The following TSPAN18 variants were observed in gnomAD, a reference collection of about 807,000 sequenced individuals.
The protein encoded by TSPAN18 is tetraspanin-18.
TSPAN18 carries 14 observed loss-of-function variants against 27.3 expected under a neutral mutation model. The observed-to-expected ratio is 0.51, with a 90% CI of 0.34 to 0.80. TSPAN18 has a LOEUF of 0.80. Among genes scored for constraint, TSPAN18 ranks in the 30% least tolerant of loss-of-function variants. TSPAN18 has a pLI of 0.01. For missense variants in TSPAN18, 268 were observed against 323.9 expected (o/e 0.83, Z 1.32); for synonymous variants, 143 against 136.5 (o/e 1.05, Z -0.33).
chr11:44,796,694 C>T (rs1189422718), intron 2 of TSPAN18, among the ~76,000 whole-genome samples: 3 of 152,136 alleles, frequency 2.0e-5, no homozygotes, highest in Non-Finnish European at 4.4e-5. Context: ...CTCAGTCACA[C>T]AGCAACAACC....
chr11:44,896,742 C>T (rs1859068504), intron 3 of TSPAN18, among the ~76,000 whole-genome samples: 1 of 152,146 alleles, frequency 6.6e-6, no homozygotes, highest in Non-Finnish European at 1.5e-5. Context: ...TGTGGGTTCC[C>T]CAGCCCTGCT....
intron 3 of TSPAN18, among the ~76,000 whole-genome samples, chr11:44,902,246 G>C (rs1859289950): frequency 6.6e-6 from 1 of 152,224 alleles, no homozygotes; most frequent in African/African-American, 2.4e-5. Context: ...TTTTATAGGT[G>C]AAGAAACTGA....
chr11:44,772,043 C>G (rs970204945), intron 2 of TSPAN18, among the ~76,000 whole-genome samples: 6 of 152,214 alleles, frequency 3.9e-5, no homozygotes, highest in African/African-American at 1.4e-4. Context: ...GCCCAGTGTT[C>G]CAGCTCAAGA....
chr11:44,729,801 G>T (rs113433991), intron 1 of TSPAN18, among the ~76,000 whole-genome samples: 5 of 152,138 alleles, frequency 3.3e-5, no homozygotes, highest in African/African-American at 1.2e-4. Context: ...TGGTCTGAGG[G>T]GTGTGTTGGA....
chr11:44,897,649 A>AGT, intron 3 of TSPAN18: 1 of 643,666 alleles, frequency 1.6e-6, no homozygotes, highest in East Asian at 6.8e-5. Context: ...AGTTGCCCCG[A>AGT]GTGTGTGTAT....
intron 2 of TSPAN18, among the ~76,000 whole-genome samples, chr11:44,855,581 G>A (rs1056082029): frequency 6.6e-6 from 1 of 152,122 alleles, no homozygotes; most frequent in Admixed American, 6.5e-5. Context: ...TGACTTGCCT[G>A]AGGCCACACA....
At chr11:44,841,469 T>C (rs942060464) in intron 2 of TSPAN18, among the ~76,000 whole-genome samples, 1 of 151,080 alleles carries the variant, frequency 6.6e-6, no homozygotes, top group African/African-American at 2.4e-5. Flanking sequence ...TGAGCTGAGA[T>C]TGCACCACTG....
At chr11:44,779,775 A>G (rs1855894697) in intron 2 of TSPAN18, among the ~76,000 whole-genome samples, 1 of 152,082 alleles carries the variant, frequency 6.6e-6, no homozygotes, top group Non-Finnish European at 1.5e-5. Flanking sequence ...ATGCCTGTGC[A>G]TGTCTATGTA....
intron 1 of TSPAN18, among the ~76,000 whole-genome samples, chr11:44,743,656 G>T (rs1271009623): frequency 1.3e-5 from 2 of 152,194 alleles, no homozygotes; most frequent in Non-Finnish European, 2.9e-5. Context: ...GGCATTTCCC[G>T]CCACCCCTGT....
At chr11:44,854,209 G>GGGGGGGGGT (rs1857676710) in intron 2 of TSPAN18, among the ~76,000 whole-genome samples, 1 of 133,490 alleles carries the variant, frequency 7.5e-6, no homozygotes, top group African/African-American at 2.6e-5. Context: ...GTGGGGGGGG[G>GGGGGGGGGT]GGTTTGTGTG....
chr11:44,797,979 G>A (rs1856389014), intron 2 of TSPAN18, among the ~76,000 whole-genome samples: 1 of 152,190 alleles, frequency 6.6e-6, no homozygotes, highest in African/African-American at 2.4e-5. Flanking sequence ...CCTGCACAAA[G>A]GAGCCTGTTT....
intron 5 of TSPAN18, among the ~76,000 whole-genome samples, chr11:44,911,594 G>T (rs1367384580): frequency 1.3e-5 from 2 of 152,276 alleles, no homozygotes; most frequent in African/African-American, 2.4e-5. Flanking sequence ...AAGGAGCTTG[G>T]ATATGGGTCC....
chr11:44,762,046 A>C (rs4755889), intron 1 of TSPAN18, among the ~76,000 whole-genome samples: 19,937 of 152,206 alleles, frequency 0.13, 2,564 homozygotes, highest in East Asian at 0.68. Context: ...GAGGTGACTC[A>C]ATCCAGCATT....
intron 3 of TSPAN18, among the ~76,000 whole-genome samples, chr11:44,871,172 A>G (rs982791244): frequency 6.6e-6 from 1 of 152,188 alleles, no homozygotes; most frequent in Admixed American, 6.5e-5. Flanking sequence ...AGTTTGGGCT[A>G]TTATAACAAA....
At chr11:44,899,899 C>T (rs1859195551) in intron 3 of TSPAN18, among the ~76,000 whole-genome samples, 2 of 152,188 alleles carry the variant, frequency 1.3e-5, no homozygotes, top group Admixed American at 1.3e-4. Flanking sequence ...CCACTGGCCC[C>T]AGGGAGGGCA....
In TSPAN18 at chr11:44,926,675, GC is replaced by G; in HGVS notation, c.618del (p.Cys207ValfsTer4). 6.2e-7 allele frequency: 1 copy of G among 1,614,092 alleles called. No individual in the cohort carries two copies. The highest frequency in any genetic ancestry group is 8.5e-7 in the Non-Finnish European group (1 of 1,179,978). ...LGRSLFLNKQ[G>X]CYTVILNTFE... is the part of the protein sequence containing the mutation. Reference sequence around the variant, plus strand: ...TGACCTCTCATCCCTCCCTCCCAGGGCTGTTACACGGTGATCCTCAACACCT... The same window carrying G: ...TGACCTCTCATCCCTCCCTCCCAGGGTGTTACACGGTGATCCTCAACACCT... On this transcript the variant is annotated frameshift_variant and splice_region_variant, in exon 9 of 10. Transcript: ENST00000520358. LOFTEE classifies it high-confidence loss of function.
At chr11:44,878,487 A>C (rs573395870) in intron 3 of TSPAN18, among the ~76,000 whole-genome samples, 15 of 152,234 alleles carry the variant, frequency 9.9e-5, no homozygotes, top group Non-Finnish European at 1.6e-4. Flanking sequence ...ACTAACATTT[A>C]TTATGCAGTA....
At chr11:44,897,834 A>T (rs1859118341) in intron 3 of TSPAN18, 1 of 1,289,428 alleles carries the variant, frequency 7.8e-7, no homozygotes, top group Non-Finnish European at 1.0e-6. Context: ...CCCAGGTGAC[A>T]CATTGGCAAT....
At chr11:44,727,508 T>C (rs1590393186) in intron 1 of TSPAN18, among the ~76,000 whole-genome samples, 1 of 151,786 alleles carries the variant, frequency 6.6e-6, no homozygotes, top group Admixed American at 6.5e-5. Context: ...CTGCCCGGAG[T>C]CCGCTGAGGG....
Sources: gnomAD v4.1 joint callset for allele counts (sites outside exome capture counted in the v4.1 genomes callset) on GRCh38, gnomAD v4.1.1 for gene constraint, MANE v1.5 for transcripts, NCBI Gene and HGNC (gene_info 2026-07-23, HGNC 2026-07-21) for gene names.